JMJD4: variants seen among roughly 807,000 people sequenced by gnomAD.
The protein encoded by JMJD4 is 2-oxoglutarate and iron-dependent oxygenase JMJD4.
In JMJD4, 34 loss-of-function variants were observed where a neutral mutation model predicts 36.3. The observed-to-expected ratio is 0.94, with a 90% CI of 0.71 to 1.25. The LOEUF is 1.25. Ranked by LOEUF, JMJD4 falls within the 50% of genes most tolerant of loss-of-function variation. The probability of loss-of-function intolerance (pLI) is 0.00; values close to 1 mark genes in which losing one functional copy is unlikely to be tolerated. For synonymous variants in JMJD4, 269 were observed against 235.3 expected, an observed-to-expected ratio of 1.14 and a Z score of -1.31; for missense variants, 584 against 559.1, an observed-to-expected ratio of 1.04 and a Z score of -0.45.
intron 4 of JMJD4, 167 bp from the exon 5 acceptor site, chr1:227,733,194 G>T: frequency 1.1e-6 from 1 of 894,794 alleles, no homozygotes; most frequent in Non-Finnish European, 1.7e-6. Context: ...TGGCGGGCTC[G>T]GACCACCTCA....
In JMJD4 at chr1:227,734,791, G is replaced by A; in HGVS notation, c.288C>T (p.Asn96=). ...TCGAGTTGTATTCCTGGACCCCACA[G>A]TTTGCAACTGGTACAACCACGTCTC... The part of the protein sequence containing the change: ...TYGDVVVPVA[N]CGVQEYNSNP... The change falls in exon 2 of 6, where the codon AAC becomes AAT. Residue 96 remains asparagine, a synonymous_variant. Transcript: ENST00000620518. 1 of 1,614,046 alleles carries A rather than the reference G, an allele frequency of 6.2e-7. No homozygotes were observed. Among genetic ancestry groups the A allele is most frequent in the Non-Finnish European group, 8.5e-7 (1 of 1,180,020 alleles).
Position 227,732,984 on chromosome 1 carries a change from T to G in JMJD4, c.866A>C (p.Asn289Thr). The change falls in exon 5 of 6, where the codon AAC becomes ACC. Residue 289 changes from asparagine to threonine, a missense_variant. Transcript: ENST00000620518. ...CAAGAAGCGCCACATGTTGGCCAGG[T>G]TGAAGCCATTGACCCAGTTGTGGTT... ...SINHNWVNGF[N>T]LANMWRFLQQ... 2 of 1,613,446 alleles carry G rather than the reference T, an allele frequency of 1.2e-6. No homozygotes were observed. Among genetic ancestry groups the G allele is most frequent in the South Asian group, 2.2e-5 (2 of 91,080 alleles).
rs1660889881 is a variant in JMJD4, at chr1:227,734,176, G to C, written c.429-144C>G. On this transcript the variant is annotated intron_variant, in intron 2 of 5. Transcript: ENST00000620518. ...CCCAAAGAGCCCCAGACCCTCCTCTGAGCCAGACGCTGCTGGCGGGGGAGG... is the reference window on the plus strand; with the variant it reads ...CCCAAAGAGCCCCAGACCCTCCTCTCAGCCAGACGCTGCTGGCGGGGGAGG... The C allele has an allele frequency of 7.7e-6, 7 of 910,746 alleles. No individual in the cohort carries two copies. The South Asian group carries it at 1.2e-4, about 16-fold the overall frequency. 56.4% of individuals were successfully genotyped at this position (910,746 alleles called of 1,614,324 possible).
At position 227,733,565 on chromosome 1, in the gene JMJD4, C is replaced by T. The variant is rs985226587; in HGVS notation, c.671G>A (p.Gly224Asp). ...GQEEALRDRH[G>D]NLPYDVTSPA... ...GGAGGTCACGTCGTAGGGCAGGTTG[C>T]CGTGGCGGTCCCGCAGGGCCTCTTC... Residue 224 changes from glycine to aspartate, a missense_variant, in exon 4 of 6, where the codon GGC (glycine) becomes GAC (aspartate). Gly to Asp is a moderately conservative substitution (Grantham distance 94). Transcript: ENST00000620518. 1.0e-5 allele frequency: 16 copies of T among 1,606,118 alleles called. No individual in the cohort carries two copies. In the Admixed American group the frequency reaches 1.2e-4, roughly 12 times the overall value.
rs762093592 is a variant in JMJD4, at chr1:227,734,742, T to C, written c.337A>G (p.Arg113Gly). Residue 113 changes from arginine (R) to glycine (G), a missense_variant, in exon 2 of 6, where the codon AGA becomes GGA. Physicochemically the swap from Arg to Gly is moderately radical, Grantham distance 125. Transcript: ENST00000620518. ...TCTTTCCAGTAGGTGATGTAGTCTC[T>C]GAGAGTCATGTGCTCTTTGGGGTTC... ...NSNPKEHMTLRDYITYWKEYI... is the reference protein window; with the variant it reads ...NSNPKEHMTLGDYITYWKEYI... 7.4e-6 allele frequency: 12 copies of C among 1,614,194 alleles called. No individual in the cohort carries two copies. Among genetic ancestry groups the C allele is most frequent in the Non-Finnish European group, 1.0e-5 (12 of 1,180,006 alleles).
chr1:227,732,119 G>T lies in JMJD4; in HGVS notation c.*273C>A. The T allele has an allele frequency of 1.8e-6, 1 of 553,028 alleles. No homozygotes were observed. The allele number at this position is 553,028 out of a possible 1,614,324, so 34.3% of individuals were successfully genotyped here. On this transcript the variant is annotated 3_prime_UTR_variant, in exon 6 of 6. Coordinates refer to ENST00000620518, the MANE Select transcript of JMJD4 (RefSeq NM_023007.3). ...CAGCTCAGGCGTCCTGGCCTAAGGA[G>T]GCAGGGCCCCCAAAAGAGCCAGGTC... is the stretch of plus-strand genomic sequence containing the variant.
At chr1:227,734,925 C>A (rs1660972101) in intron 1 of JMJD4, 87 bp downstream of exon 1, 5 of 1,527,384 alleles carry the variant, frequency 3.3e-6, no homozygotes, top group Non-Finnish European at 4.4e-6. Flanking sequence ...CTCACCCTCC[C>A]TGGTGCCCCT....
chr1:227,732,062 C>T lies in JMJD4; in HGVS notation c.*330G>A, dbSNP rs1285167885. ...AGGGCTGGCCTATTAAGAGGAGCCACCAGAGAAGGCACACCAGACACAGAC... is the reference window on the plus strand; with the variant it reads ...AGGGCTGGCCTATTAAGAGGAGCCATCAGAGAAGGCACACCAGACACAGAC... On this transcript the variant is annotated 3_prime_UTR_variant, in exon 6 of 6. Transcript: ENST00000620518. 2.4e-6 allele frequency: 1 copy of T among 420,922 alleles called. No homozygotes were observed. Among genetic ancestry groups the T allele is most frequent in the African/African-American group, 2.0e-5 (1 of 50,064 alleles). The allele number at this position is 420,922 out of a possible 1,614,324, so 26.1% of individuals were successfully genotyped here.
rs186121628 is a variant in JMJD4, at chr1:227,732,662, G to A, written c.984C>T (p.Ser328=). 1.2e-6 allele frequency: 2 copies of A among 1,612,934 alleles called. No individual in the cohort carries two copies. Among genetic ancestry groups the A allele is most frequent in the East Asian group, 4.5e-5 (2 of 44,880 alleles). ...ACTCTTCAAAGTTGATGCCCGAGCA[G>A]GACCTCATGATGACCTGGGCAGAGG... is the stretch of plus-strand genomic sequence containing the variant. The part of the protein sequence containing the change: ...WHHHCQVIMR[S]CSGINFEEFY... Residue 328 remains serine (S), a synonymous_variant, in exon 6 of 6, where the codon TCC becomes TCT. Transcript: ENST00000620518.
Position 227,735,033 on chromosome 1 carries a change from C to G in JMJD4, c.241G>C (p.Asp81His). The G allele has an allele frequency of 6.4e-7, 1 of 1,550,940 alleles. No individual in the cohort carries two copies. Among genetic ancestry groups the G allele is most frequent in the South Asian group, 1.2e-5 (1 of 83,566 alleles). Residue 81 changes from aspartate (D) to histidine (H), a missense_variant, in exon 1 of 6, where the codon GAC becomes CAC. Physicochemically the swap from Asp to His is moderately conservative, Grantham distance 81. Coordinates refer to ENST00000620518, the MANE Select transcript of JMJD4 (RefSeq NM_023007.3). ...CCACCGTAGGTCCGTAGCAGGTGGT[C>G]GAAGTCGGGCCTCCCCGCGGGCGTC... is the stretch of plus-strand genomic sequence containing the variant. Reference protein sequence around the residue: ...WVTPAGRPDFDHLLRTYGDVV... With the variant: ...WVTPAGRPDFHHLLRTYGDVV...
Position 227,732,443 on chromosome 1 carries a change from T to C in JMJD4, c.1203A>G (p.Lys401=), listed in dbSNP as rs1320394468. 8.1e-6 allele frequency: 13 copies of C among 1,613,116 alleles called. No homozygotes were observed. The highest frequency in any genetic ancestry group is 1.1e-5 in the Non-Finnish European group (13 of 1,180,028). Residue 401 remains lysine, a synonymous_variant, in exon 6 of 6, where the codon AAA becomes AAG. Coordinates refer to ENST00000620518, the MANE Select transcript of JMJD4 (RefSeq NM_023007.3). ...VDTSAFSPQP[K]ELLQQLREAV... ...CCTCTCTCAGCTGCTGCAGCAGCTC[T>C]TTGGGCTGTGGTGAGAACGCGCTGG...
Position 227,733,643 on chromosome 1 carries a change from C to T in JMJD4, c.593G>A (p.Trp198Ter). ...FHADIFRSFS[W>*]SVNVCGRKKW... ...CTTCCTCCCACAGACATTGACAGAC[C>T]AGCTGAAGGAGCGGAAGATGTCAGC... Residue 198 changes from tryptophan (W) to a stop codon, truncating the protein, a stop_gained, in exon 4 of 6, where the codon TGG becomes TAG. Transcript: ENST00000620518. LOFTEE classifies it high-confidence loss of function. 6.2e-7 allele frequency: 1 copy of T among 1,604,162 alleles called. No homozygotes were observed. The highest frequency in any genetic ancestry group is 8.5e-7 in the Non-Finnish European group (1 of 1,179,584).
At position 227,731,996 on chromosome 1, in the gene JMJD4, G is replaced by A; in HGVS notation, c.*396C>T. On this transcript the variant is annotated 3_prime_UTR_variant, in exon 6 of 6. Coordinates refer to ENST00000620518, the MANE Select transcript of JMJD4 (RefSeq NM_023007.3). ...CTCCAACCCCTCCCTGAACCCACAG[G>A]GCAGAGCCAGGGGTGGTCCAATGGC... 3.8e-6 allele frequency: 1 copy of A among 260,016 alleles called. No individual in the cohort carries two copies. The highest frequency in any genetic ancestry group is 7.5e-6 in the Non-Finnish European group (1 of 132,550). The allele number at this position is 260,016 out of a possible 1,614,324, so 16.1% of individuals were successfully genotyped here. A position where few individuals can be genotyped will look rare whatever the true frequency, so the allele number is the denominator to read the frequency against.
rs1449703646 is a variant in JMJD4 at position 227,732,039 on chromosome 1, G to A, written c.*353C>T. On this transcript the variant is annotated 3_prime_UTR_variant, in exon 6 of 6. Transcript: ENST00000620518. ...CCAATGGCCTGAGACGAGGGGACAG[G>A]GCTGGCCTATTAAGAGGAGCCACCA... 3 of 367,272 alleles carry A rather than the reference G, an allele frequency of 8.2e-6. No individual in the cohort carries two copies. Among genetic ancestry groups the A allele is most frequent in the Non-Finnish European group, 1.5e-5 (3 of 194,710 alleles). The allele number at this position is 367,272 out of a possible 1,614,324, so 22.8% of individuals were successfully genotyped here. A position where few individuals can be genotyped will look rare whatever the true frequency, so the allele number is the denominator to read the frequency against.
At position 227,732,572 on chromosome 1, in the gene JMJD4, C is replaced by G. The variant is rs1028306753; in HGVS notation, c.1074G>C (p.Glu358Asp). 6.2e-7 allele frequency: 1 copy of G among 1,613,384 alleles called. No individual in the cohort carries two copies. Among genetic ancestry groups the G allele is most frequent in the African/African-American group, 1.3e-5 (1 of 74,934 alleles). The change falls in exon 6 of 6, where the codon GAG becomes GAC. Residue 358 changes from glutamate (E) to aspartate (D), a missense_variant. Coordinates refer to ENST00000620518, the MANE Select transcript of JMJD4 (RefSeq NM_023007.3). The part of the protein sequence containing the change: ...RLLVLREAAA[E>D]DGAGLGFEQA... ...GTTCGAAACCCAACCCAGCACCGTC[C>G]TCAGCGGCTGCCTCCCTCAGGACCA... is the stretch of plus-strand genomic sequence containing the variant.
rs1289784848 is a variant in JMJD4, at chr1:227,732,406, C to T, written c.1240G>A (p.Ala414Thr). 1.1e-5 allele frequency: 17 copies of T among 1,612,526 alleles called. No homozygotes were observed. The highest frequency in any genetic ancestry group is 1.3e-5 in the African/African-American group (1 of 74,924). The change falls in exon 6 of 6, where the codon GCT becomes ACT. Residue 414 changes from alanine (A) to threonine (T), a missense_variant. Transcript: ENST00000620518. ...LQQLREAVDA[A>T]AAP ...CACGACAGGTGCTATGGGGCCGCAG[C>T]AGCATCAACAGCCTCTCTCAGCTGC...
Position 227,733,511 on chromosome 1 carries a change from G to A in JMJD4, c.725C>T (p.Pro242Leu). 6.3e-7 allele frequency: 1 copy of A among 1,594,764 alleles called. No individual in the cohort carries two copies. Among genetic ancestry groups the A allele is most frequent in the South Asian group, 1.1e-5 (1 of 89,584 alleles). The change falls in exon 4 of 6, where the codon CCA becomes CTA. Residue 242 changes from proline (P) to leucine (L), a missense_variant. Pro to Leu is a moderately conservative substitution (Grantham distance 98). Coordinates refer to ENST00000620518, the MANE Select transcript of JMJD4 (RefSeq NM_023007.3). ...GGGTGGGCCAGCAAGCTGGTTCCGT[G>A]GGTGCAGGTGTGTGTCGCAGAGTGC... ...SPALCDTHLH[P>L]RNQLAGPPLE...
In JMJD4 at chr1:227,732,097, C is replaced by T. The variant is rs1474376308; in HGVS notation, c.*295G>A. ...CACACCAGACACAGACTCCTGTCAG[C>T]TCAGGCGTCCTGGCCTAAGGAGGCA... On this transcript the variant is annotated 3_prime_UTR_variant, in exon 6 of 6. Coordinates refer to ENST00000620518, the MANE Select transcript of JMJD4 (RefSeq NM_023007.3). The T allele has an allele frequency of 3.5e-5, 18 of 507,664 alleles. No individual in the cohort carries two copies. The Admixed American group carries it at 3.9e-4, about 11-fold the overall frequency. The allele number at this position is 507,664 out of a possible 1,614,324, so 31.4% of individuals were successfully genotyped here.
In JMJD4 at chr1:227,735,075, T is replaced by C; in HGVS notation, c.199A>G (p.Ser67Gly). The C allele has an allele frequency of 3.2e-6, 5 of 1,558,370 alleles. No individual in the cohort carries two copies. Among genetic ancestry groups the C allele is most frequent in the Non-Finnish European group, 3.5e-6 (4 of 1,152,294 alleles). ...FSSAFTQGWG[S>G]RRRWVTPAGR... ...GCGGGCGTCACCCAGCGCCGCCGGCTGCCCCAGCCCTGCGTGAAGGCGCTG... is the reference window on the plus strand; with the variant it reads ...GCGGGCGTCACCCAGCGCCGCCGGCCGCCCCAGCCCTGCGTGAAGGCGCTG... The change falls in exon 1 of 6, where the codon AGC becomes GGC. Residue 67 changes from serine to glycine, a missense_variant. By Grantham distance (56) the Ser-to-Gly change is moderately conservative. Coordinates refer to ENST00000620518, the MANE Select transcript of JMJD4 (RefSeq NM_023007.3).
Sources: allele counts gnomAD v4.1 joint callset, GRCh38; gene constraint gnomAD v4.1.1; transcripts MANE v1.5; gene names NCBI Gene and HGNC (gene_info 2026-07-23, HGNC 2026-07-21).